Variants in ASIC2 observed in about 807,000 individuals in gnomAD.
ASIC2 encodes the protein acid-sensing ion channel 2.
A neutral mutation model predicts 57.3 loss-of-function variants in ASIC2; 25 were observed. That is an observed-to-expected ratio of 0.44 (90% CI 0.32 to 0.61). The LOEUF (loss-of-function observed/expected upper bound fraction) is 0.61. Ranked by LOEUF, ASIC2 falls within the 20% of genes least tolerant of loss-of-function variation. The pLI is 0.06. For synonymous variants in ASIC2, 319 were observed against 307.5 expected, an observed-to-expected ratio of 1.04 and a Z score of -0.39; for missense variants, 641 against 738.1, an observed-to-expected ratio of 0.87 and a Z score of 1.52.
intron 1 of ASIC2, among the ~76,000 whole-genome samples, chr17:33,997,985 T>C (rs1309005449): frequency 6.6e-6 from 1 of 152,178 alleles, no homozygotes; most frequent in African/African-American, 2.4e-5. Context: ...TTTTTAAATG[T>C]TTGCTAGAAT....
intron 3 of ASIC2, 65 bp downstream of exon 3, chr17:33,088,798 T>C: frequency 6.6e-7 from 1 of 1,507,948 alleles, no homozygotes; most frequent in Non-Finnish European, 8.9e-7. Context: ...TTTCTCCTCC[T>C]TGTGCCTCTG....
intron 1 of ASIC2, among the ~76,000 whole-genome samples, chr17:34,046,670 T>C (rs1286342539): frequency 6.6e-6 from 1 of 152,180 alleles, no homozygotes; most frequent in Non-Finnish European, 1.5e-5. Flanking sequence ...TGAAAAACCA[T>C]GGAAACGAAT....
At chr17:34,002,499 C>T (rs146748864) in intron 1 of ASIC2, 15 of 152,298 alleles carry the variant, frequency 9.8e-5, no homozygotes, top group African/African-American at 3.6e-4. Flanking sequence ...TCTCAGAAGT[C>T]CGAATTAAAC....
intron 1 of ASIC2, among the ~76,000 whole-genome samples, chr17:33,320,677 C>T (rs552707225): frequency 1.1e-3 from 170 of 152,268 alleles, no homozygotes; most frequent in Non-Finnish European, 2.1e-3. Flanking sequence ...CTATGTGGAA[C>T]TCTTAAGCCA....
Position 33,579,904 on chromosome 17 carries a change from T to A in ASIC2, c.556-467837A>T, listed in dbSNP as rs139983136. On this transcript the variant is annotated intron_variant, in intron 1 of 9. Coordinates refer to the ASIC2 transcript ENST00000359872. ...TTGGTCCATTTTACAGAGAGCTGAT[T>A]GGTCCATTTTACAGAGAGCTGATTG... Among the ~76,000 whole-genome samples the A allele has an allele frequency of 7.9e-3, 1,207 of 152,308 alleles. 10 individuals are homozygous for A. Among genetic ancestry groups the A allele is most frequent in the African/African-American group, 0.023 (958 of 41,566 alleles).
At chr17:33,428,231 T>A (rs1911284996) in intron 1 of ASIC2, among the ~76,000 whole-genome samples, 1 of 152,194 alleles carries the variant, frequency 6.6e-6, no homozygotes, top group African/African-American at 2.4e-5. Flanking sequence ...AGATAACCAA[T>A]GCTCCTGGGG....
At chr17:34,047,728 T>A (rs114384347) in intron 1 of ASIC2, among the ~76,000 whole-genome samples, 3,478 of 152,232 alleles carry the variant, frequency 0.023, 144 homozygotes, top group African/African-American at 0.079. Flanking sequence ...TCTGAGCCTG[T>A]GTCTCAAGAG....
chr17:33,151,199 A>G (rs71373686), intron 1 of ASIC2, among the ~76,000 whole-genome samples: 37,160 of 109,686 alleles, frequency 0.34, 4,654 homozygotes, highest in Non-Finnish European at 0.38. Flanking sequence ...ACACACACAC[A>G]CGCGCGCACA....
chr17:33,928,036 G>T (rs545240602), intron 1 of ASIC2, among the ~76,000 whole-genome samples: 15 of 152,316 alleles, frequency 9.8e-5, no homozygotes, highest in Non-Finnish European at 4.4e-5. Flanking sequence ...CAGGCAAACA[G>T]TAGGAGGCAC....
At chr17:34,038,714 A>AAGATTTCTT in intron 1 of ASIC2, 1 of 1,604,684 alleles carries the variant, frequency 6.2e-7, no homozygotes. Context: ...TCTGAGTTTG[A>AAGATTTCTT]AGATTTCTTC....
At chr17:33,165,107 G>T (rs1905269044) in intron 1 of ASIC2, among the ~76,000 whole-genome samples, 1 of 152,178 alleles carries the variant, frequency 6.6e-6, no homozygotes, top group South Asian at 2.1e-4. Context: ...GGCTCAGGAG[G>T]CCCCACATGG....
chr17:33,640,358 G>A (rs562417213), intron 1 of ASIC2, among the ~76,000 whole-genome samples: 1 of 152,182 alleles, frequency 6.6e-6, no homozygotes, highest in Non-Finnish European at 1.5e-5. Context: ...ACCCACCTTT[G>A]CATTTCGCCA....
chr17:33,841,469 G>A (rs911287022), intron 1 of ASIC2, among the ~76,000 whole-genome samples: 1 of 152,206 alleles, frequency 6.6e-6, no homozygotes, highest in African/African-American at 2.4e-5. Context: ...GGTGTGCCAG[G>A]CTGCCAAATT....
intron 1 of ASIC2, among the ~76,000 whole-genome samples, chr17:34,032,204 T>A (rs898236054): frequency 5.9e-5 from 9 of 152,166 alleles, no homozygotes; most frequent in African/African-American, 1.9e-4. Flanking sequence ...TGGGGGCCAA[T>A]ATTCAACATT....
chr17:33,613,791 G>A (rs1242344472), intron 1 of ASIC2, among the ~76,000 whole-genome samples: 1 of 152,132 alleles, frequency 6.6e-6, no homozygotes, highest in East Asian at 1.9e-4. Context: ...GCACCCACGG[G>A]TCTTTCTCAT....
At chr17:34,078,404 T>C (rs1036644253) in intron 1 of ASIC2, among the ~76,000 whole-genome samples, 4 of 152,060 alleles carry the variant, frequency 2.6e-5, no homozygotes, top group African/African-American at 7.2e-5. Flanking sequence ...CGAAAGAACA[T>C]AGCGAATATA....
chr17:33,376,370 T>TG (rs1909278436), intron 1 of ASIC2, among the ~76,000 whole-genome samples: 1 of 151,826 alleles, frequency 6.6e-6, no homozygotes, highest in African/African-American at 2.4e-5. Context: ...TTCTTTTTTT[T>TG]TATTATACTT....
chr17:33,799,427 C>CTTCTTTCTTTCT (rs201420934), intron 1 of ASIC2, among the ~76,000 whole-genome samples: 26 of 84,098 alleles, frequency 3.1e-4, no homozygotes, highest in Admixed American at 1.5e-3. Context: ...TTCTTTCTTT[C>CTTCTTTCTTTCT]TTCTTTCTTT....
intron 1 of ASIC2, 157 bp from the exon 2 acceptor site, chr17:33,112,224 G>A: frequency 4.0e-6 from 4 of 1,010,830 alleles, no homozygotes; most frequent in Non-Finnish European, 5.6e-6. Context: ...CATCCTGGCT[G>A]TGGGCCTGAC....
Sources: gnomAD v4.1 joint callset for allele counts (sites outside exome capture counted in the v4.1 genomes callset) on GRCh38, gnomAD v4.1.1 for gene constraint, MANE v1.5 for transcripts, NCBI Gene and HGNC (gene_info 2026-07-23, HGNC 2026-07-21) for gene names.